The following PXDNL variants were observed in gnomAD, a reference collection of about 807,000 sequenced individuals.
PXDNL encodes peroxidasin like, also known as probable oxidoreductase PXDNL.
A neutral mutation model predicts 150.8 loss-of-function variants in PXDNL; 145 were observed. That is an observed-to-expected ratio of 0.96 (90% CI 0.84 to 1.10). The LOEUF (loss-of-function observed/expected upper bound fraction) is 1.10. PXDNL is among the 50% of genes least tolerant of loss of function. The probability of loss-of-function intolerance (pLI) is 0.00; values close to 1 mark genes in which losing one functional copy is unlikely to be tolerated. For missense variants in PXDNL, 2,087 were observed against 1,873.9 expected, an observed-to-expected ratio of 1.11 and a Z score of -2.10; for synonymous variants, 757 against 725.7, an observed-to-expected ratio of 1.04 and a Z score of -0.69.
intron 1 of PXDNL, among the ~76,000 whole-genome samples, chr8:51,708,623 G>A (rs887961165): frequency 6.6e-6 from 1 of 152,038 alleles, no homozygotes; most frequent in Non-Finnish European, 1.5e-5. Flanking sequence ...TCATAGATAC[G>A]GAAGAAAAAT....
intron 1 of PXDNL, among the ~76,000 whole-genome samples, chr8:51,704,535 C>G (rs1816322586): frequency 6.6e-6 from 1 of 152,172 alleles, no homozygotes; most frequent in African/African-American, 2.4e-5. Context: ...TGCATATATT[C>G]CACTTTACTA....
intron 1 of PXDNL, among the ~76,000 whole-genome samples, chr8:51,741,124 T>C (rs900446720): frequency 1.3e-5 from 2 of 152,216 alleles, no homozygotes; most frequent in African/African-American, 4.8e-5. Context: ...TGTTTTTTGG[T>C]TGGTAGGCTA....
At chr8:51,647,365 T>C (rs1195431468) in intron 2 of PXDNL, among the ~76,000 whole-genome samples, 1 of 152,046 alleles carries the variant, frequency 6.6e-6, no homozygotes, top group Non-Finnish European at 1.5e-5. Flanking sequence ...GAAATGAAGG[T>C]GAAGAGAACT....
chr8:51,426,677 C>T lies in PXDNL; in HGVS notation c.1607G>A (p.Gly536Glu), dbSNP rs1487581086. 1 of 1,606,404 alleles carries T rather than the reference C, an allele frequency of 6.2e-7. No individual in the cohort carries two copies. Among genetic ancestry groups the T allele is most frequent in the Non-Finnish European group, 8.5e-7 (1 of 1,174,928 alleles). The change falls in exon 13 of 23, where the codon GGA (glycine) becomes GAA (glutamate). Residue 536 changes from glycine to glutamate, a missense_variant. Coordinates refer to ENST00000356297, the MANE Select transcript of PXDNL (RefSeq NM_144651.5). ...CCAAGTAATTATGGGCTGTGGTTCT[C>T]CTTGAGCATGACATGAAATGTTTAT... ...KNINISCHAQGEPQPIITWNK... is the reference protein window; with the variant it reads ...KNINISCHAQEEPQPIITWNK...
intron 3 of PXDNL, among the ~76,000 whole-genome samples, chr8:51,575,536 G>T (rs1813033440): frequency 6.6e-6 from 1 of 151,968 alleles, no homozygotes; most frequent in African/African-American, 2.4e-5. Flanking sequence ...CCAATATGGT[G>T]AAACCCCATC....
rs199546278 is a variant in PXDNL at position 51,772,257 on chromosome 8, C to T, written c.164+36924G>A. Among the ~76,000 whole-genome samples the T allele has an allele frequency of 5.3e-5, 8 of 151,692 alleles. No homozygotes were observed. In the East Asian group the frequency reaches 1.6e-3, roughly 30 times the overall value. ...CTATATACACACACACACACACACA[C>T]ACACACATATACAGCTGCTCCGATG... On this transcript the variant is annotated intron_variant, in intron 1 of 22. Transcript: ENST00000356297.
chr8:51,768,979 G>A (rs1413947900), intron 1 of PXDNL, among the ~76,000 whole-genome samples: 1 of 152,226 alleles, frequency 6.6e-6, no homozygotes, highest in African/African-American at 2.4e-5. Flanking sequence ...GTTGGCACCT[G>A]TAGTCCCAGC....
chr8:51,370,353 C>T (rs1037770757), intron 19 of PXDNL, among the ~76,000 whole-genome samples: 1 of 152,184 alleles, frequency 6.6e-6, no homozygotes, highest in African/African-American at 2.4e-5. Flanking sequence ...ATCTCTCCCT[C>T]TGCTCAGCAG....
At chr8:51,744,093 G>GGAAAGAAA (rs1259792170) in intron 1 of PXDNL, among the ~76,000 whole-genome samples, 15 of 41,180 alleles carry the variant, frequency 3.6e-4, no homozygotes, top group East Asian at 7.4e-4. Context: ...AAGGAAGGAA[G>GGAAAGAAA]GAAAGAAAGA....
intron 14 of PXDNL, among the ~76,000 whole-genome samples, chr8:51,418,054 T>C (rs1586090559): frequency 6.6e-6 from 1 of 152,324 alleles, no homozygotes; most frequent in East Asian, 1.9e-4. Context: ...TTAAAATGTA[T>C]ATGTTAAAAT....
intron 3 of PXDNL, among the ~76,000 whole-genome samples, chr8:51,586,629 CA>C (rs528089088): frequency 3.3e-4 from 50 of 152,012 alleles, no homozygotes; most frequent in African/African-American, 1.2e-3. Flanking sequence ...CCTAATATTT[CA>C]AAAAAAATCT....
chr8:51,390,754 TA>T (rs1807873443), intron 17 of PXDNL, among the ~76,000 whole-genome samples: 1 of 152,034 alleles, frequency 6.6e-6, no homozygotes, highest in Non-Finnish European at 1.5e-5. Flanking sequence ...TTTATTTTAT[TA>T]TTATTATACT....
At chr8:51,375,513 T>A (rs1274149312) in intron 17 of PXDNL, among the ~76,000 whole-genome samples, 1 of 152,238 alleles carries the variant, frequency 6.6e-6, no homozygotes, top group African/African-American at 2.4e-5. Context: ...GTTTGCATGT[T>A]TTAACCTTGT....
At chr8:51,642,189 T>C (rs1259745104) in intron 2 of PXDNL, among the ~76,000 whole-genome samples, 3 of 140,590 alleles carry the variant, frequency 2.1e-5, no homozygotes, top group Non-Finnish European at 3.1e-5. Flanking sequence ...GGGAACATCA[T>C]ACTCTGGGGA....
chr8:51,368,975 A>AACAGAGC (rs1807006964), intron 19 of PXDNL, among the ~76,000 whole-genome samples: 1 of 152,174 alleles, frequency 6.6e-6, no homozygotes, highest in African/African-American at 2.4e-5. Context: ...CAGCCTAGGC[A>AACAGAGC]ACAGAGCACA....
At chr8:51,632,032 C>T (rs1192799333) in intron 2 of PXDNL, among the ~76,000 whole-genome samples, 2 of 151,998 alleles carry the variant, frequency 1.3e-5, no homozygotes, top group African/African-American at 4.8e-5. Flanking sequence ...AGATTGAGTT[C>T]TCCAATCAAA....
intron 2 of PXDNL, among the ~76,000 whole-genome samples, chr8:51,623,466 A>AGTGTG (rs1814298653): frequency 1.3e-5 from 2 of 152,154 alleles, no homozygotes; most frequent in African/African-American, 4.8e-5. Context: ...TTCACTCTCC[A>AGTGTG]CCTAGAAGCA....
chr8:51,598,999 C>T (rs1350097022), intron 2 of PXDNL, among the ~76,000 whole-genome samples: 1 of 152,114 alleles, frequency 6.6e-6, no homozygotes, highest in Non-Finnish European at 1.5e-5. Context: ...TCAATTTCCT[C>T]TAGATTTTCT....
chr8:51,667,200 G>A (rs1223212993), intron 1 of PXDNL, among the ~76,000 whole-genome samples: 3 of 152,116 alleles, frequency 2.0e-5, no homozygotes, highest in East Asian at 1.9e-4. Context: ...AATATGCCCC[G>A]GGTGTGATAG....
Sources: gnomAD v4.1 joint callset for allele counts (sites outside exome capture counted in the v4.1 genomes callset) on GRCh38, gnomAD v4.1.1 for gene constraint, MANE v1.5 for transcripts, NCBI Gene and HGNC (gene_info 2026-07-23, HGNC 2026-07-21) for gene names.